MSL2: variants seen among roughly 807,000 people sequenced by gnomAD.
The protein encoded by MSL2 is E3 ubiquitin-protein ligase MSL2.
A neutral mutation model predicts 35.8 loss-of-function variants in MSL2; 2 were observed. The observed-to-expected ratio is 0.06, with a 90% CI of 0.02 to 0.18. MSL2 has a LOEUF of 0.18. MSL2 is among the 10% of genes least tolerant of loss of function. MSL2 has a pLI of 1.00. For synonymous variants in MSL2, 296 were observed against 255.7 expected, an observed-to-expected ratio of 1.16 and a Z score of -1.50; for missense variants, 523 against 706.7, an observed-to-expected ratio of 0.74 and a Z score of 2.95.
intron 1 of MSL2, among the ~76,000 whole-genome samples, chr3:136,156,433 G>A (rs984474785): frequency 3.9e-5 from 6 of 152,072 alleles, no homozygotes; most frequent in Non-Finnish European, 7.3e-5. Context: ...AAGGCTAAAT[G>A]GAAAGGCAAG....
chr3:136,179,766 C>A (rs1365516059), intron 1 of MSL2, among the ~76,000 whole-genome samples: 1 of 152,182 alleles, frequency 6.6e-6, no homozygotes, highest in Non-Finnish European at 1.5e-5. Context: ...GACATATCTA[C>A]TTTAAAACGG....
Position 136,195,933 on chromosome 3 carries a change from C to G in MSL2, c.-820G>C, listed in dbSNP as rs896562711. The G allele has an allele frequency of 6.5e-5, 36 of 552,866 alleles. 1 individual carries two copies. The South Asian group carries it at 1.4e-3, about 22-fold the overall frequency. 34.2% of individuals were successfully genotyped at this position (552,866 alleles called of 1,614,324 possible). The stretch of plus-strand genomic sequence containing the variant: ...CCCCTCGCGCCTCAGTCGCACACTC[C>G]GGGGTCACCAGACTCAAGCGCCGCC... On this transcript the variant is annotated 5_prime_UTR_variant, in exon 1 of 2. Transcript: ENST00000309993.
intron 1 of MSL2, among the ~76,000 whole-genome samples, chr3:136,170,284 C>T (rs1434505691): frequency 1.4e-5 from 2 of 142,708 alleles, no homozygotes; most frequent in Non-Finnish European, 3.0e-5. Flanking sequence ...GCCCAGGAGG[C>T]AGAAGCTACA....
rs536188118 is a variant in MSL2, at chr3:136,166,520, A to G, written c.143-13782T>C. ...AAGCAATAAACCTTCCCTCTTATTA[A>G]AACAAATTTAACATAGATCATTCAA... On this transcript the variant is annotated intron_variant, in intron 1 of 1. Coordinates refer to ENST00000309993, the MANE Select transcript of MSL2 (RefSeq NM_018133.4). 2.0e-5 allele frequency among the ~76,000 whole-genome samples: 3 copies of G among 152,218 alleles called. No homozygotes were observed. The East Asian group carries it at 5.8e-4, about 29-fold the overall frequency.
chr3:136,153,433 T>C (rs551349198), intron 1 of MSL2, among the ~76,000 whole-genome samples: 1 of 151,954 alleles, frequency 6.6e-6, no homozygotes, highest in Non-Finnish European at 1.5e-5. Context: ...GAAAAAAAAA[T>C]TTTTTCAACC....
At position 136,149,676 on chromosome 3, in the gene MSL2, T is replaced by C. The variant is rs1323011367; in HGVS notation, c.*1471A>G. The C allele has an allele frequency of 6.8e-6, 1 of 147,154 alleles. No individual in the cohort carries two copies. Among genetic ancestry groups the C allele is most frequent in the African/African-American group, 2.5e-5 (1 of 39,966 alleles). The allele number at this position is 147,154 out of a possible 1,614,324, so 9.1% of individuals were successfully genotyped here. A position where few individuals can be genotyped will look rare whatever the true frequency, so the allele number is the denominator to read the frequency against. On this transcript the variant is annotated 3_prime_UTR_variant, in exon 2 of 2. Coordinates refer to ENST00000309993, the MANE Select transcript of MSL2 (RefSeq NM_018133.4). Reference sequence around the variant, plus strand: ...CACAGAAAATGACACCAGGATACACTACAAAACAGAAGGAGGTGTCATCTG... The same window carrying C: ...CACAGAAAATGACACCAGGATACACCACAAAACAGAAGGAGGTGTCATCTG...
At chr3:136,155,516 AT>A (rs1339618244) in intron 1 of MSL2, 1 of 185,738 alleles carries the variant, frequency 5.4e-6, no homozygotes, top group African/African-American at 2.4e-5. Flanking sequence ...CCTCAAAAAA[AT>A]AAATAAATAA....
intron 1 of MSL2, among the ~76,000 whole-genome samples, chr3:136,156,182 C>T (rs1559957508): frequency 6.6e-6 from 1 of 152,130 alleles, no homozygotes; most frequent in Non-Finnish European, 1.5e-5. Flanking sequence ...ATTATATCTT[C>T]AGATTATTAA....
At chr3:136,164,881 C>CTT (rs397764663) in intron 1 of MSL2, among the ~76,000 whole-genome samples, 46 of 147,454 alleles carry the variant, frequency 3.1e-4, no homozygotes, top group African/African-American at 1.1e-3. Context: ...CACCTTCAGA[C>CTT]TTTTTTTTTT....
In MSL2 at chr3:136,189,016, T is replaced by A. The variant is rs114873455; in HGVS notation, c.142+5956A>T. 2.0e-3 allele frequency among the ~76,000 whole-genome samples: 293 copies of A among 146,174 alleles called. 2 individuals are homozygous for A. Among genetic ancestry groups the A allele is most frequent in the African/African-American group, 7.0e-3 (277 of 39,516 alleles). The stretch of plus-strand genomic sequence containing the variant: ...ATAAATATACCCAAGTAGAAGCAAA[T>A]ATTTTAGAACTTTTATAGATTTTTC... On this transcript the variant is annotated intron_variant, in intron 1 of 1. Coordinates refer to ENST00000309993, the MANE Select transcript of MSL2 (RefSeq NM_018133.4).
chr3:136,159,853 T>C (rs1378014710), intron 1 of MSL2, among the ~76,000 whole-genome samples: 1 of 152,158 alleles, frequency 6.6e-6, no homozygotes, highest in Non-Finnish European at 1.5e-5. Flanking sequence ...TGTAACTTTC[T>C]ATTGGCCAAA....
chr3:136,149,594 A>G lies in MSL2; in HGVS notation c.*1553T>C, dbSNP rs546972749. The G allele has an allele frequency of 3.3e-5, 5 of 150,428 alleles. No individual in the cohort carries two copies. The highest frequency in any genetic ancestry group is 9.7e-5 in the African/African-American group (4 of 41,278). The allele number at this position is 150,428 out of a possible 1,614,324, so 9.3% of individuals were successfully genotyped here. A position where few individuals can be genotyped will look rare whatever the true frequency, so the allele number is the denominator to read the frequency against. On this transcript the variant is annotated 3_prime_UTR_variant, in exon 2 of 2. Transcript: ENST00000309993. ...CACCCCACCAAAAGAGACCAAAAAA[A>G]AAAAAAGAAAAAAAAGCCCAACAAC...
Position 136,195,650 on chromosome 3 carries a change from A to C in MSL2, c.-537T>G. ...CGACGGTCGGGCAGCGGCTTCCCGG[A>C]TCTAGTGCAAGACGCCGCGGCGGCG... On this transcript the variant is annotated 5_prime_UTR_variant, in exon 1 of 2. Coordinates refer to ENST00000309993, the MANE Select transcript of MSL2 (RefSeq NM_018133.4). The C allele has an allele frequency of 1.0e-6, 1 of 980,262 alleles. No homozygotes were observed. The highest frequency in any genetic ancestry group is 1.2e-6 in the Non-Finnish European group (1 of 825,122). 60.7% of individuals were successfully genotyped at this position (980,262 alleles called of 1,614,324 possible).
intron 1 of MSL2, among the ~76,000 whole-genome samples, chr3:136,172,252 T>A (rs1352895686): frequency 1.3e-5 from 2 of 152,124 alleles, no homozygotes; most frequent in Non-Finnish European, 2.9e-5. Context: ...CCACCTCTCA[T>A]CATACTCATA....
In MSL2 at chr3:136,150,962, T is replaced by C; in HGVS notation, c.*185A>G. On this transcript the variant is annotated 3_prime_UTR_variant, in exon 2 of 2. Transcript: ENST00000309993. ...TGTAAGAACTAAGGACATATAGTTG[T>C]AGGGTTACTCCTCCATTATCTGCAA... 3.2e-6 allele frequency: 2 copies of C among 623,566 alleles called. No individual in the cohort carries two copies. Among genetic ancestry groups the C allele is most frequent in the South Asian group, 2.1e-5 (1 of 47,522 alleles). The allele number at this position is 623,566 out of a possible 1,614,324, so 38.6% of individuals were successfully genotyped here.
chr3:136,190,806 A>C (rs1445914431), intron 1 of MSL2, among the ~76,000 whole-genome samples: 1 of 152,238 alleles, frequency 6.6e-6, no homozygotes, highest in Non-Finnish European at 1.5e-5. Context: ...TCCAACATTT[A>C]GAACATGAGC....
intron 1 of MSL2, among the ~76,000 whole-genome samples, chr3:136,188,226 G>A (rs1271808967): frequency 6.6e-6 from 1 of 152,122 alleles, no homozygotes; most frequent in Non-Finnish European, 1.5e-5. Flanking sequence ...ACAAGGTACA[G>A]AGATCGAGAC....
chr3:136,152,553 T>C lies in MSL2; in HGVS notation c.328A>G (p.Ile110Val), dbSNP rs1327067689. The C allele has an allele frequency of 1.2e-6, 2 of 1,614,096 alleles. No homozygotes were observed. The highest frequency in any genetic ancestry group is 1.7e-6 in the Non-Finnish European group (2 of 1,180,048). ...TCCCGTGCCAGTGTAGTCTGTGTTA[T>C]ATACTCGCATAGTTTTTTGTAGCAG... ...VNCYKKLCEY[I>V]TQTTLARDII... The change falls in exon 2 of 2, where the codon ATA (isoleucine) becomes GTA (valine). Residue 110 changes from isoleucine (I) to valine (V), a missense_variant. Transcript: ENST00000309993.
intron 1 of MSL2, among the ~76,000 whole-genome samples, chr3:136,179,445 G>T (rs182882671): frequency 3.2e-4 from 49 of 152,274 alleles, no homozygotes; most frequent in Non-Finnish European, 5.0e-4. Flanking sequence ...GGCATCTCAA[G>T]TGCTGGGATT....
Sources: allele counts gnomAD v4.1 joint callset (sites outside exome capture counted in the v4.1 genomes callset), GRCh38; gene constraint gnomAD v4.1.1; transcripts MANE v1.5; gene names NCBI Gene and HGNC (gene_info 2026-07-23, HGNC 2026-07-21).